The following ENDOV variants were observed in gnomAD, a reference collection of about 807,000 sequenced individuals.
ENDOV encodes the protein endonuclease V, also known as hEndoV.
ENDOV carries 37 observed loss-of-function variants against 39.4 expected under a neutral mutation model. The observed-to-expected ratio is 0.94, with a 90% CI of 0.72 to 1.23. ENDOV has a LOEUF of 1.23. Ranked by LOEUF, ENDOV falls within the 50% of genes most tolerant of loss-of-function variation. ENDOV has a pLI of 0.00. For synonymous variants in ENDOV, 186 were observed against 163.4 expected, an observed-to-expected ratio of 1.14 and a Z score of -1.05; for missense variants, 441 against 375.7, an observed-to-expected ratio of 1.17 and a Z score of -1.44.
chr17:80,427,248 G>C (rs62068441), intron 7 of ENDOV, among the ~76,000 whole-genome samples: 7 of 152,154 alleles, frequency 4.6e-5, no homozygotes, highest in Non-Finnish European at 5.9e-5. Flanking sequence ...CAACTCAGCC[G>C]TGTGGTCTTC....
intron 1 of ENDOV, 144 bp from the exon 2 acceptor site, chr17:80,415,506 T>G (rs2080985756): frequency 8.6e-7 from 1 of 1,162,108 alleles, no homozygotes; most frequent in Admixed American, 2.7e-5. Context: ...TCCTAGGGAC[T>G]GTGGCCTCGG....
chr17:80,423,478 C>G, intron 4 of ENDOV, 42 bp from the exon 5 acceptor site: 1 of 1,393,836 alleles, frequency 7.2e-7, no homozygotes. Flanking sequence ...TGCCAGGCCC[C>G]AGCCCCACCT....
intron 1 of ENDOV, 119 bp from the exon 2 acceptor site, chr17:80,415,531 C>T (rs2080993195): frequency 1.5e-6 from 2 of 1,324,902 alleles, no homozygotes; most frequent in Admixed American, 2.5e-5. Flanking sequence ...ATGTCCCTTG[C>T]TTTCCCTTGA....
rs547925853 is a variant in ENDOV, at chr17:80,415,931, G to A, written c.228+110G>A. 4 of 1,391,318 alleles carry A rather than the reference G, an allele frequency of 2.9e-6. No homozygotes were observed. The South Asian group carries it at 4.0e-5, about 14-fold the overall frequency. The allele number at this position is 1,391,318 out of a possible 1,614,324, so 86.2% of individuals were successfully genotyped here. ...TAGAACCCGGCTTCTCGTTTTGTAG[G>A]ATGTCATTAATAGTCTGGGGAGTTG... On this transcript the variant is annotated intron_variant, in intron 2 of 9. Transcript: ENST00000518137.
At chr17:80,424,215 T>C (rs2144986706) in intron 5 of ENDOV, 1 of 399,482 alleles carries the variant, frequency 2.5e-6, no homozygotes, top group Non-Finnish European at 4.4e-6. Context: ...GCAGAGACTG[T>C]GTCTCTCATT....
chr17:80,434,257 C>G (rs41302844), intron 9 of ENDOV, among the ~76,000 whole-genome samples: 6 of 152,170 alleles, frequency 3.9e-5, no homozygotes, highest in African/African-American at 1.4e-4. Flanking sequence ...TCAAGATGCA[C>G]CTGTGTCGTG....
chr17:80,423,479 AGCCCC>A, intron 4 of ENDOV, 36 bp from the exon 5 acceptor site: 17 of 782,858 alleles, frequency 2.2e-5, no homozygotes, highest in Non-Finnish European at 3.5e-5. Flanking sequence ...GCCAGGCCCC[AGCCCC>A]ACCTCCCCAA....
chr17:80,427,981 G>T, intron 7 of ENDOV: 1 of 947,524 alleles, frequency 1.1e-6, no homozygotes, highest in Non-Finnish European at 1.4e-6. Flanking sequence ...CATCTGAGCT[G>T]GGATCAGGGG....
chr17:80,419,170 CAA>C (rs67490024), intron 2 of ENDOV, among the ~76,000 whole-genome samples: 4,012 of 103,490 alleles, frequency 0.039, 68 homozygotes, highest in East Asian at 0.13. Context: ...AGGACTCTGT[CAA>C]AAAAAAAAAA....
rs558906958 is a variant in ENDOV, at chr17:80,423,200, C to T, written c.404-320C>T. 2.1e-3 allele frequency among the ~76,000 whole-genome samples: 325 copies of T among 152,322 alleles called. 1 individual carries two copies. Among genetic ancestry groups the T allele is most frequent in the African/African-American group, 7.4e-3 (308 of 41,566 alleles). ...GCTCGTGCCAGCGCTGGCAGGCCAC[C>T]GTCGAGGGAAGAGGAAGCTGGGAGG... On this transcript the variant is annotated intron_variant, in intron 4 of 9. Coordinates refer to ENST00000518137, the MANE Select transcript of ENDOV (RefSeq NM_173627.5).
chr17:80,424,739 C>T (rs997592466), intron 5 of ENDOV, among the ~76,000 whole-genome samples: 5 of 152,102 alleles, frequency 3.3e-5, no homozygotes, highest in African/African-American at 1.2e-4. Flanking sequence ...GTGGATCACG[C>T]GATTAGGAGA....
intron 6 of ENDOV, 73 bp downstream of exon 6, chr17:80,425,173 T>C: frequency 7.5e-7 from 1 of 1,332,566 alleles, no homozygotes; most frequent in South Asian, 1.3e-5. Context: ...CACAGGTGCA[T>C]GCAGACACGC....
intron 9 of ENDOV, chr17:80,430,096 C>G: frequency 6.5e-7 from 1 of 1,534,650 alleles, no homozygotes; most frequent in Non-Finnish European, 8.7e-7. Context: ...GGGGACGCCG[C>G]AGCACAGCCC....
chr17:80,429,731 C>T (rs372874377), intron 8 of ENDOV, 42 bp from the exon 9 acceptor site: 24 of 1,557,020 alleles, frequency 1.5e-5, no homozygotes, highest in African/African-American at 2.7e-5. Context: ...GTCAGGTAGG[C>T]GCTAGCATCT....
chr17:80,431,353 A>T (rs1401686991), intron 9 of ENDOV, among the ~76,000 whole-genome samples: 2 of 152,188 alleles, frequency 1.3e-5, no homozygotes, highest in Non-Finnish European at 2.9e-5. Context: ...GAGGCTCTGG[A>T]AAAGAGGCCC....
intron 5 of ENDOV, chr17:80,423,985 GCCCCA>G: frequency 4.8e-6 from 1 of 209,216 alleles, no homozygotes; most frequent in Non-Finnish European, 9.1e-6. Flanking sequence ...ACCCCGCCTT[GCCCCA>G]GCCCCTGTCT....
At chr17:80,427,485 G>A (rs1568241465) in intron 7 of ENDOV, 1 of 985,446 alleles carries the variant, frequency 1.0e-6, no homozygotes, top group Non-Finnish European at 1.2e-6. Context: ...CCAGCAAAGA[G>A]CCTGCCAAAT....
Position 80,423,525 on chromosome 17 carries a change from G to T in ENDOV, c.409G>T (p.Gly137Trp). ...GNGVLHHRGF[G>W]VACHLGVLTD... Reference sequence around the variant, plus strand: ...CCCTCCTTTCTCTCTGGCAGGCTTTGGGGTGGCCTGCCACCTTGGCGTCCT... The same window carrying T: ...CCCTCCTTTCTCTCTGGCAGGCTTTTGGGTGGCCTGCCACCTTGGCGTCCT... The change falls in exon 5 of 10, where the codon GGG (glycine) becomes TGG (tryptophan). Residue 137 changes from glycine to tryptophan, a missense_variant. Coordinates refer to ENST00000518137, the MANE Select transcript of ENDOV (RefSeq NM_173627.5). The T allele has an allele frequency of 6.8e-7, 1 of 1,465,662 alleles. No homozygotes were observed. The highest frequency in any genetic ancestry group is 9.2e-7 in the Non-Finnish European group (1 of 1,091,466). 90.8% of individuals were successfully genotyped at this position (1,465,662 alleles called of 1,614,324 possible).
chr17:80,425,339 G>A, intron 6 of ENDOV, 153 bp from the exon 7 acceptor site: 1 of 1,197,604 alleles, frequency 8.4e-7, no homozygotes, highest in South Asian at 1.5e-5. Flanking sequence ...AAGGCGCCCT[G>A]AGGGTGGGCA....
Sources: allele counts gnomAD v4.1 joint callset (sites outside exome capture counted in the v4.1 genomes callset), GRCh38; gene constraint gnomAD v4.1.1; transcripts MANE v1.5; gene names NCBI Gene and HGNC (gene_info 2026-07-23, HGNC 2026-07-21).